The following CELF2 variants were observed in gnomAD, a reference collection of about 807,000 sequenced individuals.
CELF2 encodes CUGBP Elav-like family member 2, also known as CUG triplet repeat RNA-binding protein 2.
In CELF2, 8 loss-of-function variants were observed where a neutral mutation model predicts 62.6. The observed-to-expected ratio is 0.13, with a 90% CI of 0.07 to 0.23. The LOEUF (loss-of-function observed/expected upper bound fraction) is 0.23, where lower values mean the gene tolerates loss of function less well. CELF2 is among the 10% of genes least tolerant of loss of function. The pLI, the probability that CELF2 is intolerant of heterozygous loss-of-function variation, is 1.00. For missense variants in CELF2, 333 were observed against 671.0 expected (o/e 0.50, Z 5.56); for synonymous variants, 258 against 250.0 (o/e 1.03, Z -0.30).
At chr10:10,915,362 A>G (rs1198372866) in intron 1 of CELF2, among the ~76,000 whole-genome samples, 1 of 152,198 alleles carries the variant, frequency 6.6e-6, no homozygotes, top group Non-Finnish European at 1.5e-5. Context: ...GGCACTGAGT[A>G]TTCAACATCT....
intron 1 of CELF2, among the ~76,000 whole-genome samples, chr10:10,894,137 G>T (rs2062369677): frequency 6.6e-6 from 1 of 152,062 alleles, no homozygotes; most frequent in African/African-American, 2.4e-5. Context: ...AAGGCCAAAT[G>T]ATAGATTTTT....
chr10:10,858,267 T>C (rs942121450), intron 1 of CELF2, among the ~76,000 whole-genome samples: 1 of 152,208 alleles, frequency 6.6e-6, no homozygotes, highest in African/African-American at 2.4e-5. Flanking sequence ...TTAAGGCCTC[T>C]CTGTGGCCTC....
the CELF2 span, among the ~76,000 whole-genome samples, chr10:10,735,124 G>A: frequency 6.6e-6 from 1 of 152,286 alleles, no homozygotes; most frequent in African/African-American, 2.4e-5. Context: ...ACTATAAAAT[G>A]TCTTGAACAA....
chr10:11,082,365 A>G (rs2074248585), intron 1 of CELF2, among the ~76,000 whole-genome samples: 1 of 152,164 alleles, frequency 6.6e-6, no homozygotes, highest in African/African-American at 2.4e-5. Context: ...GCTGATATCT[A>G]TCTCCAAACT....
the CELF2 span, among the ~76,000 whole-genome samples, chr10:10,746,465 A>T: frequency 6.6e-6 from 1 of 152,216 alleles, no homozygotes; most frequent in East Asian, 1.9e-4. Flanking sequence ...CAGATTGATT[A>T]GCCATTTTAT....
rs901242647 is a variant in CELF2 at position 11,255,582 on chromosome 10, T to C, written c.404-2156T>C. Among the ~76,000 whole-genome samples the C allele has an allele frequency of 6.6e-6, 1 of 152,192 alleles. No individual in the cohort carries two copies. The highest frequency in any genetic ancestry group is 2.4e-5 in the African/African-American group (1 of 41,448). On this transcript the variant is annotated intron_variant, in intron 4 of 12. Transcript: ENST00000633077. This position sits in a 1 kb window ranked among gnomAD's most constrained non-coding sequence, Gnocchi z 5.5. ...TTCGTAGTTTACAAGTATTGTGGAA[T>C]CGTGCCTTTCAACTTGTATTCCTTG... is the stretch of plus-strand genomic sequence containing the variant.
At chr10:10,539,749 A>T in the CELF2 span, among the ~76,000 whole-genome samples, 2 of 152,362 alleles carry the variant, frequency 1.3e-5, no homozygotes, top group East Asian at 3.9e-4. Flanking sequence ...TGCAAAGTCC[A>T]TCAGTGAAAA....
At chr10:10,513,040 C>T in the CELF2 span, among the ~76,000 whole-genome samples, 18 of 152,138 alleles carry the variant, frequency 1.2e-4, no homozygotes, top group African/African-American at 4.1e-4. Context: ...TCTGGTGATG[C>T]ACAAGGCTGT....
At chr10:10,474,952 G>T in the CELF2 span, among the ~76,000 whole-genome samples, 1 of 151,978 alleles carries the variant, frequency 6.6e-6, no homozygotes, top group African/African-American at 2.4e-5. Flanking sequence ...TGGTGAATTA[G>T]GAATGATGTT....
intron 1 of CELF2, among the ~76,000 whole-genome samples, chr10:11,097,579 C>G (rs1389117218): frequency 6.6e-6 from 1 of 152,184 alleles, no homozygotes; most frequent in Non-Finnish European, 1.5e-5. Flanking sequence ...ATTGAGTGCT[C>G]CGGTTCAATA....
At chr10:10,703,410 T>G in the CELF2 span, among the ~76,000 whole-genome samples, 8 of 152,196 alleles carry the variant, frequency 5.3e-5, no homozygotes, top group Non-Finnish European at 1.2e-4. Context: ...GGTTCAGGCC[T>G]GACTTAACCA....
chr10:11,254,946 G>A (rs144301193), intron 4 of CELF2, among the ~76,000 whole-genome samples: 10 of 151,692 alleles, frequency 6.6e-5, no homozygotes, highest in African/African-American at 1.2e-4. Flanking sequence ...TCCCCTTCCC[G>A]TTCACGGGAA....
chr10:10,752,802 TAAAA>T, the CELF2 span, among the ~76,000 whole-genome samples: 2 of 116,554 alleles, frequency 1.7e-5, no homozygotes, highest in Non-Finnish European at 1.7e-5. Flanking sequence ...ATACCGGTAG[TAAAA>T]AAAAAAAAAA....
the CELF2 span, among the ~76,000 whole-genome samples, chr10:10,766,568 C>G: frequency 6.6e-5 from 10 of 152,298 alleles, 2 homozygotes; most frequent in East Asian, 1.9e-3. Context: ...GAGGTGTCAG[C>G]CTCGGTCTCC....
At chr10:11,155,568 C>T (rs1280573537) in intron 1 of CELF2, among the ~76,000 whole-genome samples, 1 of 152,154 alleles carries the variant, frequency 6.6e-6, no homozygotes, top group East Asian at 1.9e-4. Flanking sequence ...TCTGTCTGCT[C>T]TAAGATCATT....
the CELF2 span, among the ~76,000 whole-genome samples, chr10:10,502,999 T>C: frequency 1.3e-5 from 2 of 152,008 alleles, no homozygotes; most frequent in African/African-American, 4.8e-5. Context: ...CCACAGATTA[T>C]GTAGAAGTGG....
the CELF2 span, among the ~76,000 whole-genome samples, chr10:10,595,780 C>G: frequency 6.6e-6 from 1 of 152,120 alleles, no homozygotes; most frequent in Non-Finnish European, 1.5e-5. Context: ...CCTGTAGTCC[C>G]AGCTACTCAG....
At chr10:10,810,737 A>G (rs916213150) in intron 1 of CELF2, among the ~76,000 whole-genome samples, 3 of 152,208 alleles carry the variant, frequency 2.0e-5, no homozygotes, top group African/African-American at 7.2e-5. Flanking sequence ...CAAAGAAACC[A>G]CTAAAGTTCC....
At chr10:10,701,413 T>A in the CELF2 span, among the ~76,000 whole-genome samples, 1 of 152,234 alleles carries the variant, frequency 6.6e-6, no homozygotes, top group Non-Finnish European at 1.5e-5. Flanking sequence ...GAAAGGGTCA[T>A]CCCATCACAT....
Sources: gnomAD v4.1 joint callset for allele counts (sites outside exome capture counted in the v4.1 genomes callset) on GRCh38, gnomAD v4.1.1 for gene constraint, Gnocchi (gnomAD v3.1) non-coding constraint, MANE v1.5 for transcripts, NCBI Gene and HGNC (gene_info 2026-07-23, HGNC 2026-07-21) for gene names.